OR51B5: variants seen among roughly 807,000 people sequenced by gnomAD.
The protein encoded by OR51B5 is olfactory receptor 51B5.
For synonymous variants in OR51B5, 186 were observed against 144.8 expected, an observed-to-expected ratio of 1.28 and a Z score of -2.04; for missense variants, 456 against 374.6, an observed-to-expected ratio of 1.22 and a Z score of -1.79.
At chr11:5,456,000 G>A (rs1215434879) in intron 1 of OR51B5, 2 of 152,106 alleles carry the variant, frequency 1.3e-5, no homozygotes, top group Non-Finnish European at 2.9e-5. Context: ...TAACTTTTCT[G>A]ATTCATATTA....
At chr11:5,427,271 T>C (rs900682852) in intron 1 of OR51B5, among the ~76,000 whole-genome samples, 8 of 152,362 alleles carry the variant, frequency 5.3e-5, no homozygotes, top group Admixed American at 3.9e-4. Context: ...AATCTGTCTG[T>C]TGTCAGTCAT....
chr11:5,353,119 C>G (rs908204747), intron 1 of OR51B5, among the ~76,000 whole-genome samples: 8 of 151,898 alleles, frequency 5.3e-5, no homozygotes, highest in African/African-American at 1.4e-4. Context: ...ATGAGACTTT[C>G]TTCAATGAGA....
chr11:5,428,036 C>G (rs1204248460), intron 1 of OR51B5, among the ~76,000 whole-genome samples: 2 of 151,976 alleles, frequency 1.3e-5, no homozygotes, highest in African/African-American at 4.8e-5. Context: ...TTCATGATGT[C>G]AGGTATCAAA....
intron 1 of OR51B5, chr11:5,440,533 C>G (rs766873591): frequency 6.8e-7 from 1 of 1,477,384 alleles, no homozygotes; most frequent in South Asian, 1.2e-5. Flanking sequence ...TGTCCCAATC[C>G]TTCCTCCAAA....
intron 1 of OR51B5, among the ~76,000 whole-genome samples, chr11:5,501,461 C>G (rs1179986724): frequency 6.8e-6 from 1 of 147,826 alleles, no homozygotes; most frequent in East Asian, 2.0e-4. Flanking sequence ...ATCCAAGTTC[C>G]TTGACTAGCT....
chr11:5,352,314 C>T (rs754044205), intron 1 of OR51B5: 29 of 1,613,796 alleles, frequency 1.8e-5, no homozygotes, highest in East Asian at 6.7e-5. Flanking sequence ...TTCCTCATGT[C>T]GTTCACATCA....
chr11:5,379,735 A>G (rs1403418234), intron 1 of OR51B5, among the ~76,000 whole-genome samples: 5 of 152,116 alleles, frequency 3.3e-5, no homozygotes, highest in African/African-American at 1.2e-4. Flanking sequence ...TAATTCCTCA[A>G]AAAACGTTTA....
chr11:5,444,095 G>T (rs1040488009), intron 1 of OR51B5, among the ~76,000 whole-genome samples: 1 of 152,054 alleles, frequency 6.6e-6, no homozygotes, highest in African/African-American at 2.4e-5. Flanking sequence ...CTGAATAAAT[G>T]TTTATACACA....
intron 1 of OR51B5, among the ~76,000 whole-genome samples, chr11:5,463,457 C>G (rs1331412579): frequency 6.6e-6 from 1 of 152,222 alleles, no homozygotes; most frequent in Non-Finnish European, 1.5e-5. Context: ...ATATCATTTA[C>G]TGCCAGCCAT....
At chr11:5,402,970 C>G (rs1049547499) in intron 1 of OR51B5, 1 of 471,198 alleles carries the variant, frequency 2.1e-6, no homozygotes, top group Non-Finnish European at 4.4e-6. Context: ...GTCTTTGGAC[C>G]GCTTTATAGC....
rs1851552001 is a variant in OR51B5 at position 5,489,579 on chromosome 11, C to T, written n.84+15990G>A. The T allele has an allele frequency of 6.2e-6, 10 of 1,613,882 alleles. No homozygotes were observed. In the East Asian group the frequency reaches 2.2e-4, roughly 36 times the overall value. On this transcript the variant is annotated intron_variant and non_coding_transcript_variant, in intron 1 of 4. Transcript: ENST00000415970. Reference sequence around the variant, plus strand: ...TCTATGTGCTGGTGCCTCCTGTACTCAATCCTATTCTCTATGGAGCTAGAA... The same window carrying T: ...TCTATGTGCTGGTGCCTCCTGTACTTAATCCTATTCTCTATGGAGCTAGAA...
At chr11:5,491,177 A>C (rs574456492) in intron 1 of OR51B5, among the ~76,000 whole-genome samples, 8 of 152,352 alleles carry the variant, frequency 5.3e-5, no homozygotes, top group Admixed American at 5.2e-4. Context: ...ATATGTCTAC[A>C]CAGTGTCTGG....
At chr11:5,374,102 C>G (rs573179015) in intron 1 of OR51B5, among the ~76,000 whole-genome samples, 146 of 152,252 alleles carry the variant, frequency 9.6e-4, no homozygotes, top group Non-Finnish European at 1.8e-3. Flanking sequence ...AGACTGACAC[C>G]TCACACGGCC....
intron 1 of OR51B5, among the ~76,000 whole-genome samples, chr11:5,430,267 T>C (rs1850515430): frequency 1.3e-5 from 2 of 152,310 alleles, no homozygotes; most frequent in South Asian, 2.1e-4. Flanking sequence ...ACCTAACCCA[T>C]AAAAATAGAA....
At chr11:5,443,290 T>C (rs1850717804) in intron 1 of OR51B5, among the ~76,000 whole-genome samples, 1 of 152,144 alleles carries the variant, frequency 6.6e-6, no homozygotes, top group Non-Finnish European at 1.5e-5. Context: ...CTGGATCATA[T>C]CGAGATATCA....
At chr11:5,407,602 T>G (rs1850077764) in intron 1 of OR51B5, among the ~76,000 whole-genome samples, 1 of 152,150 alleles carries the variant, frequency 6.6e-6, no homozygotes, top group Non-Finnish European at 1.5e-5. Context: ...AATACCTGAA[T>G]AAATACATGT....
chr11:5,483,529 GAAAA>G (rs1851457182), intron 1 of OR51B5, among the ~76,000 whole-genome samples: 1 of 139,184 alleles, frequency 7.2e-6, no homozygotes, highest in Non-Finnish European at 1.5e-5. Flanking sequence ...GAAAAGAAAA[GAAAA>G]GAAAGAGTAG....
chr11:5,489,588 T>A, intron 1 of OR51B5: 1 of 1,613,960 alleles, frequency 6.2e-7, no homozygotes, highest in African/African-American at 1.3e-5. Flanking sequence ...TCAATCCTAT[T>A]CTCTATGGAG....
chr11:5,370,118 A>G (rs952268011), intron 1 of OR51B5, among the ~76,000 whole-genome samples: 1 of 152,198 alleles, frequency 6.6e-6, no homozygotes, highest in African/African-American at 2.4e-5. Flanking sequence ...AAATGCATAT[A>G]GAAAATACAG....
Sources: gnomAD v4.1 joint callset for allele counts (sites outside exome capture counted in the v4.1 genomes callset) on GRCh38, gnomAD v4.1.1 for gene constraint, MANE v1.5 for transcripts, NCBI Gene and HGNC (gene_info 2026-07-23, HGNC 2026-07-21) for gene names.